The following SCN11A variants were observed in gnomAD, a reference collection of about 807,000 sequenced individuals.
SCN11A encodes the protein sodium voltage-gated channel alpha subunit 11.
In SCN11A, 122 loss-of-function variants were observed where a neutral mutation model predicts 162.2. That is an observed-to-expected ratio of 0.75 (90% CI 0.65 to 0.87). The LOEUF (loss-of-function observed/expected upper bound fraction) is 0.87. Among genes scored for constraint, SCN11A ranks in the 40% least tolerant of loss-of-function variants. The pLI, the probability that SCN11A is intolerant of heterozygous loss-of-function variation, is 0.00. For missense variants in SCN11A, 2,015 were observed against 2,181.6 expected (o/e 0.92, Z 1.52); for synonymous variants, 758 against 751.5 (o/e 1.01, Z -0.14).
chr3:38,972,305 T>G (rs1277710665), intron 2 of SCN11A, among the ~76,000 whole-genome samples: 3 of 152,104 alleles, frequency 2.0e-5, no homozygotes, highest in Non-Finnish European at 2.9e-5. Context: ...AAACCACCAT[T>G]CACCCTCCAG....
At chr3:38,851,895 G>T (rs141078429) in intron 28 of SCN11A, among the ~76,000 whole-genome samples, 240 of 152,310 alleles carry the variant, frequency 1.6e-3, no homozygotes, top group African/African-American at 5.5e-3. Context: ...GAATTCAAAT[G>T]TAGTGGGCTT....
chr3:38,972,995 T>C (rs2066825543), intron 2 of SCN11A, among the ~76,000 whole-genome samples: 1 of 152,224 alleles, frequency 6.6e-6, no homozygotes, highest in Non-Finnish European at 1.5e-5. Flanking sequence ...AATTAATTAA[T>C]GAGGCTTGGA....
intron 28 of SCN11A, among the ~76,000 whole-genome samples, chr3:38,855,556 T>C (rs916531431): frequency 6.6e-6 from 1 of 152,126 alleles, no homozygotes; most frequent in Non-Finnish European, 1.5e-5. Context: ...CCACTGCTAA[T>C]AGCACAGTGG....
At chr3:38,956,082 TA>T (rs948192534) in intron 3 of SCN11A, among the ~76,000 whole-genome samples, 5 of 151,908 alleles carry the variant, frequency 3.3e-5, no homozygotes, top group Admixed American at 6.6e-5. Flanking sequence ...TCATCTTTAC[TA>T]AAAATACAAA....
At chr3:38,950,885 T>G (rs997601612) in intron 4 of SCN11A, among the ~76,000 whole-genome samples, 3 of 152,146 alleles carry the variant, frequency 2.0e-5, no homozygotes, top group African/African-American at 7.2e-5. Context: ...TGTGATGAAA[T>G]GGGAACAAAA....
chr3:38,867,392 A>C lies in SCN11A; in HGVS notation c.3880T>G (p.Phe1294Val). ...AGATTCAGAGTGAAGAATGAGCCAA[A>C]GATGATAAAGACTACGAAGTAAATG... ...GYIYFVVFIIFGSFFTLNLFI... is the reference protein window; with the variant it reads ...GYIYFVVFIIVGSFFTLNLFI... Residue 1294 changes from phenylalanine to valine, a missense_variant, in exon 27 of 30, where the codon TTT becomes GTT. Transcript: ENST00000302328. The C allele has an allele frequency of 6.2e-7, 1 of 1,612,960 alleles. No individual in the cohort carries two copies. Among genetic ancestry groups the C allele is most frequent in the South Asian group, 1.1e-5 (1 of 91,026 alleles).
At chr3:38,954,876 C>T (rs758612279) in intron 3 of SCN11A, among the ~76,000 whole-genome samples, 6 of 151,904 alleles carry the variant, frequency 3.9e-5, no homozygotes, top group Non-Finnish European at 7.4e-5. Context: ...GTAATCCCAG[C>T]CACTCGGGAG....
intron 23 of SCN11A, among the ~76,000 whole-genome samples, chr3:38,879,375 A>G (rs1481624046): frequency 6.6e-6 from 1 of 152,176 alleles, no homozygotes; most frequent in African/African-American, 2.4e-5. Flanking sequence ...GTGAATCCCA[A>G]TTTCACCACT....
intron 23 of SCN11A, among the ~76,000 whole-genome samples, chr3:38,879,470 C>T (rs759054066): frequency 3.3e-5 from 5 of 152,186 alleles, no homozygotes; most frequent in Non-Finnish European, 5.9e-5. Context: ...TCATACAATG[C>T]TGCTTAATTC....
At chr3:38,901,581 T>C (rs1248288802) in intron 16 of SCN11A, among the ~76,000 whole-genome samples, 1 of 152,222 alleles carries the variant, frequency 6.6e-6, no homozygotes, top group Non-Finnish European at 1.5e-5. Context: ...GAGCAATCTC[T>C]ACCCTAGAGA....
chr3:38,939,682 T>C (rs1559545948), intron 7 of SCN11A, among the ~76,000 whole-genome samples: 1 of 152,060 alleles, frequency 6.6e-6, no homozygotes, highest in Non-Finnish European at 1.5e-5. Flanking sequence ...GGCGGGTGGA[T>C]CATCTGAGGT....
chr3:38,905,446 C>T (rs1258175155), intron 14 of SCN11A, 125 bp from the exon 15 acceptor site: 1 of 1,061,012 alleles, frequency 9.4e-7, no homozygotes, highest in East Asian at 2.6e-5. Flanking sequence ...GGTCTACTCA[C>T]CTCGTCTTTA....
intron 3 of SCN11A, among the ~76,000 whole-genome samples, chr3:38,958,620 T>C (rs2066710707): frequency 2.0e-5 from 3 of 152,354 alleles, no homozygotes; most frequent in East Asian, 3.9e-4. Context: ...CCATCTAATA[T>C]GTACAAGTTT....
chr3:39,042,636 G>GA (rs950822598), intron 1 of SCN11A, among the ~76,000 whole-genome samples: 32 of 151,668 alleles, frequency 2.1e-4, no homozygotes, highest in African/African-American at 5.8e-4. Context: ...CTTCTATAGG[G>GA]AAAAAAAATC....
chr3:39,032,869 T>C (rs921303090), intron 1 of SCN11A, among the ~76,000 whole-genome samples: 2 of 152,200 alleles, frequency 1.3e-5, no homozygotes, highest in African/African-American at 4.8e-5. Flanking sequence ...TGAGAGAAAC[T>C]GGCCAGGCAC....
In SCN11A at chr3:38,950,155, G is replaced by A. The variant is rs772145472; in HGVS notation, c.208C>T (p.Pro70Ser). The change falls in exon 5 of 30, where the codon CCT becomes TCT. Residue 70 changes from proline (P) to serine (S), a missense_variant. Coordinates refer to ENST00000302328, the MANE Select transcript of SCN11A (RefSeq NM_001349253.2). ...AGAGGCTTTCCTATGAGCTCACGAG[G>A]AATGTCGCCATAGAGCTTGGGCAAC... ...RKLPKLYGDIPRELIGKPLED... is the reference protein window; with the variant it reads ...RKLPKLYGDISRELIGKPLED... 1 of 1,608,636 alleles carries A rather than the reference G, an allele frequency of 6.2e-7. No homozygotes were observed. Among genetic ancestry groups the A allele is most frequent in the East Asian group, 2.2e-5 (1 of 44,610 alleles).
At chr3:38,872,817 A>G (rs1488324028) in intron 23 of SCN11A, among the ~76,000 whole-genome samples, 2 of 152,182 alleles carry the variant, frequency 1.3e-5, no homozygotes, top group South Asian at 2.1e-4. Context: ...GGGGGAAAAA[A>G]AGAGAGAAAA....
At chr3:38,989,824 A>G (rs1405840341) in intron 2 of SCN11A, among the ~76,000 whole-genome samples, 1 of 152,134 alleles carries the variant, frequency 6.6e-6, no homozygotes, top group Non-Finnish European at 1.5e-5. Context: ...GAAAATAATC[A>G]TTAAGGCCCC....
At chr3:39,025,232 T>TGTTTCTGAGACC (rs1418635307) in intron 2 of SCN11A, among the ~76,000 whole-genome samples, 6 of 152,116 alleles carry the variant, frequency 3.9e-5, no homozygotes, top group African/African-American at 2.4e-5. Flanking sequence ...GTTCTGAGGC[T>TGTTTCTGAGACC]GCTTCTGAGA....
Sources: allele counts gnomAD v4.1 joint callset (sites outside exome capture counted in the v4.1 genomes callset), GRCh38; gene constraint gnomAD v4.1.1; transcripts MANE v1.5; gene names NCBI Gene and HGNC (gene_info 2026-07-23, HGNC 2026-07-21).